The following NCAM2 variants were observed in gnomAD, a reference collection of about 807,000 sequenced individuals.
NCAM2 encodes the protein N-CAM-2.
In NCAM2, 30 loss-of-function variants were observed where a neutral mutation model predicts 98.1. That is an observed-to-expected ratio of 0.31 (90% CI 0.23 to 0.41). NCAM2 has a LOEUF of 0.41. Ranked by LOEUF, NCAM2 falls within the 10% of genes least tolerant of loss-of-function variation. The pLI is 1.00. For synonymous variants in NCAM2, 368 were observed against 342.4 expected (o/e 1.07, Z -0.83); for missense variants, 867 against 1,005.8 (o/e 0.86, Z 1.87).
At chr21:21,396,823 G>T (rs1033547048) in intron 9 of NCAM2, among the ~76,000 whole-genome samples, 2 of 152,188 alleles carry the variant, frequency 1.3e-5, no homozygotes, top group Non-Finnish European at 2.9e-5. Context: ...GTTACATCAC[G>T]CCACAGCCCT....
At chr21:21,109,901 T>A (rs1263889115) in intron 1 of NCAM2, among the ~76,000 whole-genome samples, 1 of 152,198 alleles carries the variant, frequency 6.6e-6, no homozygotes, top group Non-Finnish European at 1.5e-5. Flanking sequence ...GCACAGGGTA[T>A]GTATTTTCTG....
intron 11 of NCAM2, among the ~76,000 whole-genome samples, chr21:21,421,106 G>A (rs1027979299): frequency 1.3e-5 from 2 of 151,602 alleles, no homozygotes; most frequent in African/African-American, 4.8e-5. Flanking sequence ...TTTTCGATTA[G>A]GTACAACTTA....
intron 1 of NCAM2, among the ~76,000 whole-genome samples, chr21:21,107,010 C>T (rs938055394): frequency 2.0e-5 from 3 of 151,898 alleles, no homozygotes; most frequent in Non-Finnish European, 4.4e-5. Context: ...TTATATTTGC[C>T]TTTTTAGAGA....
At chr21:21,216,859 A>G (rs145661213) in intron 1 of NCAM2, among the ~76,000 whole-genome samples, 3 of 152,314 alleles carry the variant, frequency 2.0e-5, no homozygotes, top group Non-Finnish European at 4.4e-5. Flanking sequence ...CCAGAGCCAC[A>G]TGACACAAAT....
chr21:21,221,892 G>T (rs2070184136), intron 1 of NCAM2, among the ~76,000 whole-genome samples: 1 of 152,156 alleles, frequency 6.6e-6, no homozygotes, highest in Admixed American at 6.6e-5. Flanking sequence ...TAGCTACAGA[G>T]AAGTAAATGC....
At chr21:21,440,092 G>T (rs1162818554) in intron 12 of NCAM2, among the ~76,000 whole-genome samples, 1 of 152,172 alleles carries the variant, frequency 6.6e-6, no homozygotes, top group Admixed American at 6.5e-5. Context: ...ACAAACTTTA[G>T]TTCGCTGCTG....
chr21:21,479,583 C>CAAAAAAAAAAAAAAAAAAAAAAA lies in NCAM2; in HGVS notation c.2077+2115_2077+2137dup, dbSNP rs1156588500. 1.1e-3 allele frequency among the ~76,000 whole-genome samples: 34 copies of CAAAAAAAAAAAAAAAAAAAAAAA among 30,956 alleles called. 2 individuals are homozygous for CAAAAAAAAAAAAAAAAAAAAAAA. Among genetic ancestry groups the CAAAAAAAAAAAAAAAAAAAAAAA allele is most frequent in the Non-Finnish European group, 1.5e-3 (22 of 14,878 alleles). The allele number at this position is 30,956 out of a possible 152,430, so 20.3% of individuals were successfully genotyped here. A position where few individuals can be genotyped will look rare whatever the true frequency, so the allele number is the denominator to read the frequency against. ...TGGGAGACAGAGCGAGACTGCGTCT[C>CAAAAAAAAAAAAAAAAAAAAAAA]AAAAAAAAAAAAAAAAAAAAAAAAA... is the stretch of plus-strand genomic sequence containing the variant. On this transcript the variant is annotated intron_variant, in intron 15 of 17. Transcript: ENST00000400546.
chr21:21,455,210 C>CAAA (rs5842926), intron 12 of NCAM2, among the ~76,000 whole-genome samples: 5,637 of 95,206 alleles, frequency 0.059, 260 homozygotes, highest in African/African-American at 0.098. Context: ...AACCTATTGG[C>CAAA]AAAAAAAAAA....
chr21:21,460,691 GA>G (rs1464450100), intron 12 of NCAM2, among the ~76,000 whole-genome samples: 3 of 151,996 alleles, frequency 2.0e-5, no homozygotes, highest in Admixed American at 2.0e-4. Context: ...TAGGCTAGAT[GA>G]GGGCTGAGGA....
intron 1 of NCAM2, among the ~76,000 whole-genome samples, chr21:21,188,775 A>C (rs2146952973): frequency 6.6e-6 from 1 of 152,354 alleles, no homozygotes; most frequent in Non-Finnish European, 1.5e-5. Flanking sequence ...AGGATACATA[A>C]GATATGTGAC....
chr21:21,118,300 A>C (rs2066604791), intron 1 of NCAM2, among the ~76,000 whole-genome samples: 1 of 152,174 alleles, frequency 6.6e-6, no homozygotes, highest in Admixed American at 6.5e-5. Flanking sequence ...TGTCCTAACG[A>C]GTTATTTATT....
chr21:21,375,747 GA>G (rs910132113), intron 9 of NCAM2, among the ~76,000 whole-genome samples: 9 of 143,022 alleles, frequency 6.3e-5, no homozygotes, highest in Middle Eastern at 3.6e-3. Context: ...TCTAAATGAA[GA>G]AAAAAAAAAC....
At chr21:21,445,578 C>A (rs888305079) in intron 12 of NCAM2, among the ~76,000 whole-genome samples, 3 of 152,082 alleles carry the variant, frequency 2.0e-5, no homozygotes. Context: ...ATCCCTTTAG[C>A]ATTATGTAAG....
chr21:21,377,411 TA>T, intron 9 of NCAM2, among the ~76,000 whole-genome samples: 1 of 151,926 alleles, frequency 6.6e-6, no homozygotes, highest in East Asian at 1.9e-4. Context: ...TGTAAGAATG[TA>T]TATACATAGA....
At chr21:20,999,023 G>A (rs538408708) in intron 1 of NCAM2, among the ~76,000 whole-genome samples, 2 of 152,112 alleles carry the variant, frequency 1.3e-5, no homozygotes, top group South Asian at 4.1e-4. Context: ...AAAACTATCA[G>A]TGTTAAACTC....
At chr21:21,030,506 A>G (rs1402723064) in intron 1 of NCAM2, among the ~76,000 whole-genome samples, 1 of 152,222 alleles carries the variant, frequency 6.6e-6, no homozygotes, top group Non-Finnish European at 1.5e-5. Context: ...AAACTCACCC[A>G]GATCATTCAA....
chr21:21,064,920 C>G (rs1282607636), intron 1 of NCAM2, among the ~76,000 whole-genome samples: 1 of 152,160 alleles, frequency 6.6e-6, no homozygotes, highest in Non-Finnish European at 1.5e-5. Flanking sequence ...TGGCTCACAC[C>G]TGTAATCCCA....
intron 9 of NCAM2, 88 bp from the exon 10 acceptor site, chr21:21,410,186 C>A: frequency 1.4e-6 from 1 of 698,990 alleles, no homozygotes; most frequent in Non-Finnish European, 2.1e-6. Context: ...TCTTTTTATA[C>A]AGTAGAAATA....
chr21:21,171,890 A>G (rs1483837771), intron 1 of NCAM2, among the ~76,000 whole-genome samples: 1 of 152,098 alleles, frequency 6.6e-6, no homozygotes. Context: ...AATTATGCTT[A>G]TTAGTATAGT....
Sources: allele counts gnomAD v4.1 joint callset (sites outside exome capture counted in the v4.1 genomes callset), GRCh38; gene constraint gnomAD v4.1.1; transcripts MANE v1.5; gene names NCBI Gene and HGNC (gene_info 2026-07-23, HGNC 2026-07-21).